Variants in PDE7B observed in about 807,000 individuals in gnomAD.
PDE7B encodes the protein phosphodiesterase 7B.
Under a neutral mutation model 56.2 loss-of-function variants are expected in PDE7B, and 29 were observed. The ratio of observed to expected loss-of-function variants is 0.52; its 90% confidence interval spans 0.38 to 0.70. The LOEUF (loss-of-function observed/expected upper bound fraction) is 0.70, where lower values mean the gene tolerates loss of function less well. PDE7B is among the 30% of genes least tolerant of loss of function. The pLI, the probability that PDE7B is intolerant of heterozygous loss-of-function variation, is 0.00. For missense variants in PDE7B, 490 were observed against 565.0 expected (o/e 0.87, Z 1.35); for synonymous variants, 197 against 196.9 (o/e 1.00, Z 0.00).
At chr6:135,981,484 G>A (rs1482862191) in intron 2 of PDE7B, among the ~76,000 whole-genome samples, 3 of 151,162 alleles carry the variant, frequency 2.0e-5, no homozygotes, top group Non-Finnish European at 4.4e-5. Flanking sequence ...CTGGTATTTT[G>A]GTTTCTTTTG....
intron 2 of PDE7B, among the ~76,000 whole-genome samples, chr6:135,986,632 C>G (rs567693006): frequency 6.6e-6 from 1 of 152,144 alleles, no homozygotes; most frequent in African/African-American, 2.4e-5. Context: ...TCTGCCAAGT[C>G]TGAAAAATGC....
chr6:135,939,547 C>A (rs1011570796), intron 1 of PDE7B, among the ~76,000 whole-genome samples: 14 of 152,210 alleles, frequency 9.2e-5, no homozygotes, highest in African/African-American at 3.1e-4. Context: ...CGTCCTCTGG[C>A]ACCGGAGTGC....
intron 1 of PDE7B, among the ~76,000 whole-genome samples, chr6:135,915,646 C>T (rs534488891): frequency 1.3e-5 from 2 of 152,286 alleles, no homozygotes; most frequent in East Asian, 3.9e-4. Context: ...GTAACACACA[C>T]CACGTCCAGG....
At chr6:135,917,128 C>T (rs901977591) in intron 1 of PDE7B, among the ~76,000 whole-genome samples, 7 of 152,096 alleles carry the variant, frequency 4.6e-5, no homozygotes, top group African/African-American at 4.8e-5. Context: ...TACATTATTA[C>T]GATGATTGCA....
At chr6:136,008,882 T>C (rs1775837107) in intron 2 of PDE7B, among the ~76,000 whole-genome samples, 1 of 152,332 alleles carries the variant, frequency 6.6e-6, no homozygotes, top group East Asian at 1.9e-4. Flanking sequence ...CCATTGCTTT[T>C]GGTGTTTTAG....
chr6:136,105,385 G>A (rs892788592), intron 2 of PDE7B, among the ~76,000 whole-genome samples: 2 of 152,166 alleles, frequency 1.3e-5, no homozygotes, highest in African/African-American at 4.8e-5. Context: ...GTTTCAAGTC[G>A]GTTCTGAGTT....
chr6:136,028,170 G>T (rs908316840), intron 2 of PDE7B, among the ~76,000 whole-genome samples: 1 of 152,050 alleles, frequency 6.6e-6, no homozygotes, highest in East Asian at 1.9e-4. Flanking sequence ...GCACTGAGAC[G>T]TTAAGTTAAG....
intron 1 of PDE7B, among the ~76,000 whole-genome samples, chr6:135,861,414 T>A (rs555116613): frequency 2.0e-5 from 3 of 151,656 alleles, no homozygotes; most frequent in Non-Finnish European, 4.4e-5. Flanking sequence ...TGTTTACTAA[T>A]GGTCTGAGCA....
chr6:136,121,133 T>A (rs1777926681), intron 3 of PDE7B, among the ~76,000 whole-genome samples: 5 of 152,126 alleles, frequency 3.3e-5, no homozygotes, highest in Admixed American at 3.3e-4. Context: ...CACATGATCA[T>A]CCACTACTGG....
At chr6:136,119,499 T>C (rs1225235769) in intron 3 of PDE7B, among the ~76,000 whole-genome samples, 2 of 152,214 alleles carry the variant, frequency 1.3e-5, no homozygotes, top group African/African-American at 4.8e-5. Context: ...AAAACATTAT[T>C]TAACAGGCCT....
At chr6:135,917,896 G>C (rs1009092554) in intron 1 of PDE7B, among the ~76,000 whole-genome samples, 2 of 152,118 alleles carry the variant, frequency 1.3e-5, no homozygotes, top group African/African-American at 4.8e-5. Context: ...CAAGGTGTCG[G>C]TGAGCCCGCT....
At chr6:135,883,840 A>G (rs764937379) in intron 1 of PDE7B, among the ~76,000 whole-genome samples, 13 of 152,126 alleles carry the variant, frequency 8.5e-5, no homozygotes, top group Non-Finnish European at 1.6e-4. Context: ...ACTCTGATGT[A>G]CTCAGATCAC....
intron 2 of PDE7B, among the ~76,000 whole-genome samples, chr6:135,956,747 A>C (rs1319607792): frequency 6.6e-6 from 1 of 151,930 alleles, no homozygotes; most frequent in Non-Finnish European, 1.5e-5. Context: ...ACCACTGCAC[A>C]CTCCAGTCTG....
chr6:136,054,577 T>G (rs541934414), intron 2 of PDE7B, among the ~76,000 whole-genome samples: 1 of 152,326 alleles, frequency 6.6e-6, no homozygotes, highest in South Asian at 2.1e-4. Context: ...AGTAGTTTTT[T>G]CCAATTCTGT....
intron 1 of PDE7B, among the ~76,000 whole-genome samples, chr6:135,929,608 T>A (rs974945664): frequency 6.6e-6 from 1 of 152,204 alleles, no homozygotes; most frequent in Non-Finnish European, 1.5e-5. Flanking sequence ...CTTTTTATAA[T>A]GCAGCTACTA....
At chr6:135,934,343 G>A (rs1161330642) in intron 1 of PDE7B, among the ~76,000 whole-genome samples, 1 of 152,012 alleles carries the variant, frequency 6.6e-6, no homozygotes. Context: ...TACAGGATAC[G>A]TACTCTGACC....
At chr6:136,136,135 G>C (rs907265048) in intron 3 of PDE7B, among the ~76,000 whole-genome samples, 1 of 152,082 alleles carries the variant, frequency 6.6e-6, no homozygotes, top group Non-Finnish European at 1.5e-5. Context: ...AGTAGAATGT[G>C]TGAAAGAGTG....
chr6:136,034,769 CAGTA>C (rs1417742710), intron 2 of PDE7B: 5 of 164,944 alleles, frequency 3.0e-5, no homozygotes, highest in African/African-American at 9.6e-5. Flanking sequence ...TGCTCATTGT[CAGTA>C]AGAACATCAC....
At chr6:136,020,861 AT>A (rs1002316945) in intron 2 of PDE7B, among the ~76,000 whole-genome samples, 4 of 152,126 alleles carry the variant, frequency 2.6e-5, no homozygotes, top group African/African-American at 9.7e-5. Context: ...GCCTACCTCC[AT>A]TTTACCATTG....
Sources: allele counts gnomAD v4.1 joint callset (sites outside exome capture counted in the v4.1 genomes callset), GRCh38; gene constraint gnomAD v4.1.1; transcripts MANE v1.5; gene names NCBI Gene and HGNC (gene_info 2026-07-23, HGNC 2026-07-21).